TRIO: variants seen among roughly 807,000 people sequenced by gnomAD.
TRIO encodes trio Rho guanine nucleotide exchange factor.
TRIO carries 58 observed loss-of-function variants against 351.9 expected under a neutral mutation model. The ratio of observed to expected loss-of-function variants is 0.16; its 90% confidence interval spans 0.13 to 0.21. The LOEUF is 0.21. Ranked by LOEUF, TRIO falls within the 10% of genes least tolerant of loss-of-function variation. The pLI, the probability that TRIO is intolerant of heterozygous loss-of-function variation, is 1.00. For synonymous variants in TRIO, 1,758 were observed against 1,595.7 expected (o/e 1.10, Z -2.42); for missense variants, 3,201 against 4,027.8 (o/e 0.79, Z 5.56).
chr5:14,303,708 G>A (rs1738120368), intron 7 of TRIO, among the ~76,000 whole-genome samples: 1 of 152,014 alleles, frequency 6.6e-6, no homozygotes, highest in African/African-American at 2.4e-5. Flanking sequence ...GAGATGGAGG[G>A]TGGCAGTGGA....
intron 1 of TRIO, among the ~76,000 whole-genome samples, chr5:14,236,771 A>G (rs1793790952): frequency 6.6e-6 from 1 of 152,170 alleles, no homozygotes; most frequent in South Asian, 2.1e-4. Flanking sequence ...GGCTTTTAGT[A>G]TATTCACCTA....
At chr5:14,374,803 T>C (rs1745413629) in intron 19 of TRIO, among the ~76,000 whole-genome samples, 1 of 152,116 alleles carries the variant, frequency 6.6e-6, no homozygotes, top group African/African-American at 2.4e-5. Context: ...AATAATAATA[T>C]ATAGGTTATA....
intron 55 of TRIO, 98 bp from the exon 56 acceptor site, chr5:14,507,024 A>G (rs531919938): frequency 1.6e-4 from 226 of 1,434,040 alleles, no homozygotes; most frequent in Admixed American, 2.7e-4. Flanking sequence ...TGACACATTC[A>G]TAACAGGTGA....
intron 5 of TRIO, 127 bp downstream of exon 5, chr5:14,291,355 C>A (rs951477923): frequency 3.0e-6 from 3 of 995,944 alleles, no homozygotes; most frequent in Non-Finnish European, 4.3e-6. Context: ...TCTAAACCAG[C>A]GAGAGTCATT....
Position 14,423,278 on chromosome 5 carries a change from A to C in TRIO, c.5203+3257A>C, listed in dbSNP as rs376334464. Among the ~76,000 whole-genome samples the C allele has an allele frequency of 1.6e-4, 24 of 152,294 alleles. No individual in the cohort carries two copies. The East Asian group carries it at 3.7e-3, about 23-fold the overall frequency. On this transcript the variant is annotated intron_variant, in intron 34 of 56. Transcript: ENST00000344204. ...TGTGCCCCCAGCGAGTCTCTTCTGCATTCTGGGCTGAGGCCCACTCACCTC... is the reference window on the plus strand; with the variant it reads ...TGTGCCCCCAGCGAGTCTCTTCTGCCTTCTGGGCTGAGGCCCACTCACCTC...
chr5:14,340,530 C>G (rs1409324260), intron 11 of TRIO, among the ~76,000 whole-genome samples: 2 of 152,124 alleles, frequency 1.3e-5, no homozygotes, highest in African/African-American at 4.8e-5. Context: ...CACAGTGGCT[C>G]TCGTCCTCAC....
intron 1 of TRIO, among the ~76,000 whole-genome samples, 187 bp downstream of exon 1, chr5:14,144,069 C>T (rs1485944554): frequency 6.6e-6 from 1 of 151,982 alleles, no homozygotes; most frequent in Non-Finnish European, 1.5e-5. Context: ...TCCGCGTGTC[C>T]CGCTGCCCGC....
rs775686878 is a variant in TRIO at position 14,420,014 on chromosome 5, C to T, written c.5196C>T (p.Asn1732=). Residue 1732 remains asparagine (N), a synonymous_variant, in exon 34 of 57, where the codon AAC becomes AAT. Coordinates refer to ENST00000344204, the MANE Select transcript of TRIO (RefSeq NM_007118.4). The stretch of plus-strand genomic sequence containing the variant: ...GCATGGAAATGGAGGGCATCTTCAA[C>T]CACAAAGGTAGGAATCAGTGGGGCA... ...RSSMEMEGIF[N]HKDSLSVSSN... The T allele has an allele frequency of 3.1e-6, 5 of 1,612,234 alleles. No homozygotes were observed. The African/African-American group carries it at 6.7e-5, about 22-fold the overall frequency.
intron 13 of TRIO, among the ~76,000 whole-genome samples, chr5:14,361,855 C>T (rs572604722): frequency 4.6e-5 from 7 of 152,206 alleles, no homozygotes; most frequent in East Asian, 1.9e-4. Flanking sequence ...TGGTGGCTCA[C>T]GCCTATAATC....
At chr5:14,145,712 A>G (rs1169095733) in intron 1 of TRIO, among the ~76,000 whole-genome samples, 1 of 152,188 alleles carries the variant, frequency 6.6e-6, no homozygotes, top group Admixed American at 6.5e-5. Flanking sequence ...GGTGTTTGTG[A>G]GACCAGGCTT....
At chr5:14,207,430 A>G (rs1363666829) in intron 1 of TRIO, among the ~76,000 whole-genome samples, 1 of 78,052 alleles carries the variant, frequency 1.3e-5, no homozygotes, top group Non-Finnish European at 2.5e-5. Context: ...ACACACACAC[A>G]CGCAGCCAGG....
intron 1 of TRIO, among the ~76,000 whole-genome samples, chr5:14,182,784 G>T (rs1323026428): frequency 6.6e-5 from 10 of 151,980 alleles, no homozygotes. Context: ...TATGAATTTG[G>T]AGTTCTGATG....
chr5:14,402,807 C>T (rs866365256), intron 31 of TRIO, among the ~76,000 whole-genome samples: 1 of 150,580 alleles, frequency 6.6e-6, no homozygotes, highest in African/African-American at 2.4e-5. Flanking sequence ...TGGAGGTCAT[C>T]GTGTAGAATT....
At chr5:14,200,142 G>C (rs375873895) in intron 1 of TRIO, among the ~76,000 whole-genome samples, 10 of 152,156 alleles carry the variant, frequency 6.6e-5, no homozygotes, top group African/African-American at 1.9e-4. Flanking sequence ...TGGGTGCCAG[G>C]CATTATGTAC....
At chr5:14,464,811 C>T (rs922363862) in intron 36 of TRIO, among the ~76,000 whole-genome samples, 1 of 152,118 alleles carries the variant, frequency 6.6e-6, no homozygotes, top group African/African-American at 2.4e-5. Context: ...AGTTAATTAA[C>T]GGCTCAAGTA....
At chr5:14,473,359 T>A (rs542395534) in intron 39 of TRIO, among the ~76,000 whole-genome samples, 1 of 152,374 alleles carries the variant, frequency 6.6e-6, no homozygotes, top group South Asian at 2.1e-4. Flanking sequence ...ACTTTTTGGT[T>A]ACACATCCCA....
At chr5:14,403,319 GTGA>G (rs1561447594) in intron 31 of TRIO, among the ~76,000 whole-genome samples, 3 of 113,220 alleles carry the variant, frequency 2.6e-5, no homozygotes, top group South Asian at 3.1e-4. Context: ...GGTTGTGGTG[GTGA>G]GGGTGTAGGT....
intron 1 of TRIO, among the ~76,000 whole-genome samples, chr5:14,229,874 T>C (rs772048496): frequency 6.6e-6 from 1 of 152,240 alleles, no homozygotes; most frequent in Non-Finnish European, 1.5e-5. Flanking sequence ...AATGCAGGTC[T>C]GCTATGAGAA....
intron 11 of TRIO, among the ~76,000 whole-genome samples, chr5:14,356,279 C>G (rs1490799892): frequency 6.6e-6 from 1 of 152,156 alleles, no homozygotes; most frequent in Non-Finnish European, 1.5e-5. Flanking sequence ...AAATGGAAGT[C>G]AGTTTCCCTA....
Sources: allele counts gnomAD v4.1 joint callset (sites outside exome capture counted in the v4.1 genomes callset), GRCh38; gene constraint gnomAD v4.1.1; transcripts MANE v1.5; gene names NCBI Gene and HGNC (gene_info 2026-07-23, HGNC 2026-07-21).